KLF17: variants seen among roughly 807,000 people sequenced by gnomAD.
The protein encoded by KLF17 is Krueppel-like factor 17.
Under a neutral mutation model 34.2 loss-of-function variants are expected in KLF17, and 31 were observed. The observed-to-expected ratio is 0.91, with a 90% CI of 0.68 to 1.22. KLF17 has a LOEUF of 1.22. Among genes scored for constraint, KLF17 ranks in the 50% most tolerant of loss-of-function variants. KLF17 has a pLI of 0.00. For missense variants in KLF17, 478 were observed against 505.2 expected, an observed-to-expected ratio of 0.95 and a Z score of 0.52; for synonymous variants, 179 against 186.7, an observed-to-expected ratio of 0.96 and a Z score of 0.34.
At chr1:44,104,633 A>G in the KLF17 span, 1 of 523,598 alleles carries the variant, frequency 1.9e-6, no homozygotes, top group Non-Finnish European at 3.5e-6. Context: ...GCCAGCCCAG[A>G]AGCTGCTGCT....
intron 2 of KLF17, 55 bp from the exon 3 acceptor site, chr1:44,130,452 GAGTTA>G: frequency 6.2e-7 from 1 of 1,604,600 alleles, no homozygotes; most frequent in Non-Finnish European, 8.5e-7. Flanking sequence ...CTGCCTCACA[GAGTTA>G]GACCCCTTCC....
chr1:44,091,485 GTT>G, the KLF17 span, among the ~76,000 whole-genome samples: 1 of 151,762 alleles, frequency 6.6e-6, no homozygotes, highest in Non-Finnish European at 1.5e-5. Context: ...GTGAGACCCT[GTT>G]TCTACTAAAA....
At chr1:44,096,919 T>C in the KLF17 span, among the ~76,000 whole-genome samples, 5 of 152,150 alleles carry the variant, frequency 3.3e-5, no homozygotes, top group South Asian at 8.3e-4. Flanking sequence ...ATATCCTGAA[T>C]GGTATTGCCT....
chr1:44,070,858 G>T, the KLF17 span, among the ~76,000 whole-genome samples: 2 of 151,922 alleles, frequency 1.3e-5, no homozygotes, highest in Non-Finnish European at 2.9e-5. Context: ...ATACAAATTT[G>T]CAAGTAAGTT....
chr1:44,100,842 A>G, the KLF17 span, among the ~76,000 whole-genome samples: 1 of 152,158 alleles, frequency 6.6e-6, no homozygotes, highest in Non-Finnish European at 1.5e-5. Context: ...TTTAGACAAA[A>G]GTATAATGAC....
intron 1 of KLF17, 119 bp downstream of exon 1, chr1:44,119,107 C>T (rs551279796): frequency 5.6e-6 from 3 of 535,484 alleles, no homozygotes; most frequent in African/African-American, 2.2e-5. Flanking sequence ...GGTAGAAATC[C>T]GAGGGGAGGG....
chr1:44,055,542 C>G, the KLF17 span, among the ~76,000 whole-genome samples: 4 of 152,128 alleles, frequency 2.6e-5, no homozygotes. Context: ...CATAAGAAGG[C>G]AACAGGCTGG....
chr1:44,073,340 G>T, the KLF17 span, among the ~76,000 whole-genome samples: 1 of 151,674 alleles, frequency 6.6e-6, no homozygotes, highest in South Asian at 2.1e-4. Context: ...CCAAGTAGCT[G>T]GGACTTCAGG....
In KLF17 at chr1:44,129,451, CT is replaced by C; in HGVS notation, c.183del (p.Pro62LeufsTer21). 6.2e-7 allele frequency: 1 copy of C among 1,604,674 alleles called. No individual in the cohort carries two copies. On this transcript the variant is annotated frameshift_variant, in exon 2 of 4. Transcript: ENST00000372299. LOFTEE classifies it high-confidence loss of function. ...WNQGLPSIQH[F>X]PHSAEMLGSP... is the part of the protein sequence containing the mutation. Reference sequence around the variant, plus strand: ...ACCAAGGCCTACCAAGCATTCAGCACTTTCCTCACAGCGCAGAGATGCTGGG... The same window carrying C: ...ACCAAGGCCTACCAAGCATTCAGCACTTCCTCACAGCGCAGAGATGCTGGG...
rs78538523 is a variant in KLF17, at chr1:44,130,244, T to C, written c.925+48T>C. The C allele has an allele frequency of 9.0e-3, 13,963 of 1,559,682 alleles. 444 individuals carry two copies. Among genetic ancestry groups the C allele is most frequent in the East Asian group, 0.083 (3,698 of 44,536 alleles). On this transcript the variant is annotated intron_variant, in intron 2 of 3. Coordinates refer to ENST00000372299, the MANE Select transcript of KLF17 (RefSeq NM_173484.4). ...TGGGGATGGAGGAGTCTCTGGGCTT[T>C]AGATTTGTCCTGGGCCACTGGTGGG... is the stretch of plus-strand genomic sequence containing the variant.
chr1:44,050,378 A>C, the KLF17 span, among the ~76,000 whole-genome samples: 5 of 152,204 alleles, frequency 3.3e-5, no homozygotes. Context: ...ATGTCAGTTT[A>C]CTATTGCCAT....
the KLF17 span, among the ~76,000 whole-genome samples, chr1:44,086,791 C>T: frequency 3.3e-5 from 5 of 152,140 alleles, no homozygotes; most frequent in African/African-American, 4.8e-5. Context: ...GAGTTCTCTC[C>T]TGGTGGCCTC....
chr1:44,085,252 G>T, the KLF17 span, among the ~76,000 whole-genome samples: 1 of 152,060 alleles, frequency 6.6e-6, no homozygotes, highest in Non-Finnish European at 1.5e-5. Flanking sequence ...AAGCAAACAA[G>T]GTACAGAAGT....
chr1:44,090,621 G>C, the KLF17 span, among the ~76,000 whole-genome samples: 1 of 152,080 alleles, frequency 6.6e-6, no homozygotes. Context: ...CGCCCTAAGA[G>C]AAACAACACG....
At chr1:44,078,546 C>G in the KLF17 span, among the ~76,000 whole-genome samples, 5 of 151,878 alleles carry the variant, frequency 3.3e-5, no homozygotes, top group African/African-American at 1.2e-4. Flanking sequence ...CAAGCAATTC[C>G]CCTGCCTCAG....
chr1:44,077,308 G>T, the KLF17 span, among the ~76,000 whole-genome samples: 1 of 151,882 alleles, frequency 6.6e-6, no homozygotes, highest in Admixed American at 6.6e-5. Flanking sequence ...TTGTGCCACT[G>T]CACTCCAGCC....
chr1:44,118,806 G>C, upstream of KLF17: 3 of 858,528 alleles, frequency 3.5e-6, no homozygotes, highest in South Asian at 6.1e-5. Flanking sequence ...TAGGTAAATA[G>C]AAGGTGATTG....
the KLF17 span, among the ~76,000 whole-genome samples, chr1:44,046,490 C>T: frequency 6.6e-6 from 1 of 151,310 alleles, no homozygotes; most frequent in African/African-American, 2.4e-5. Context: ...CAAAGTACTG[C>T]AATTACAGGC....
At chr1:44,080,216 C>T in the KLF17 span, among the ~76,000 whole-genome samples, 2 of 143,896 alleles carry the variant, frequency 1.4e-5, no homozygotes, top group Admixed American at 6.9e-5. Context: ...CGTGAGCCAC[C>T]GTACCTGGCC....
Sources: allele counts gnomAD v4.1 joint callset (sites outside exome capture counted in the v4.1 genomes callset), GRCh38; gene constraint gnomAD v4.1.1; transcripts MANE v1.5; gene names NCBI Gene and HGNC (gene_info 2026-07-23, HGNC 2026-07-21).